GRID2: variants seen among roughly 807,000 people sequenced by gnomAD.
GRID2 encodes the protein glutamate ionotropic receptor delta type subunit 2, also known as glutamate receptor ionotropic, delta-2.
Under a neutral mutation model 114.8 loss-of-function variants are expected in GRID2, and 33 were observed. The ratio of observed to expected loss-of-function variants is 0.29; its 90% CI spans 0.22 to 0.38. The LOEUF is 0.38. GRID2 is among the 10% of genes least tolerant of loss of function. GRID2 has a pLI of 1.00. For missense variants in GRID2, 1,184 were observed against 1,257.7 expected (o/e 0.94, Z 0.89); for synonymous variants, 505 against 449.9 (o/e 1.12, Z -1.55).
At chr4:92,538,966 T>C (rs1725788757) in intron 1 of GRID2, among the ~76,000 whole-genome samples, 1 of 148,536 alleles carries the variant, frequency 6.7e-6, no homozygotes, top group South Asian at 2.1e-4. Flanking sequence ...GGCGTGAGCC[T>C]GGGAGGCGCA....
At chr4:92,477,594 A>G (rs979348849) in intron 1 of GRID2, among the ~76,000 whole-genome samples, 6 of 151,722 alleles carry the variant, frequency 4.0e-5, no homozygotes, top group Non-Finnish European at 5.9e-5. Flanking sequence ...CAACACATAA[A>G]TCTATTTTGG....
intron 11 of GRID2, among the ~76,000 whole-genome samples, chr4:93,474,803 A>G (rs1725167541): frequency 6.6e-6 from 1 of 152,114 alleles, no homozygotes; most frequent in Non-Finnish European, 1.5e-5. Context: ...TGGGTTAGGA[A>G]GCCCAATATT....
intron 1 of GRID2, among the ~76,000 whole-genome samples, chr4:92,426,645 C>A (rs1732170467): frequency 6.6e-6 from 1 of 152,080 alleles, no homozygotes; most frequent in Non-Finnish European, 1.5e-5. Context: ...TTTGGAAATA[C>A]AATCACAAAG....
intron 2 of GRID2, among the ~76,000 whole-genome samples, chr4:93,008,726 C>G (rs1721818244): frequency 1.3e-5 from 2 of 152,052 alleles, no homozygotes. Context: ...CTTTTGTGAT[C>G]TTTTGCATCG....
chr4:93,552,647 A>G (rs1235986624), intron 13 of GRID2, among the ~76,000 whole-genome samples: 1 of 151,990 alleles, frequency 6.6e-6, no homozygotes, highest in African/African-American at 2.4e-5. Flanking sequence ...TGAGCATTTA[A>G]TTATACTTTA....
intron 13 of GRID2, among the ~76,000 whole-genome samples, chr4:93,585,455 G>A (rs1737437658): frequency 6.6e-6 from 1 of 152,062 alleles, no homozygotes; most frequent in African/African-American, 2.4e-5. Flanking sequence ...GCATCAACAA[G>A]ATTAACTTTT....
intron 2 of GRID2, among the ~76,000 whole-genome samples, chr4:92,779,994 CA>C (rs140823104): frequency 0.25 from 38,703 of 151,960 alleles, 5,375 homozygotes; most frequent in Middle Eastern, 0.4. Flanking sequence ...GCATTTGCCT[CA>C]AGAAAGTTAA....
chr4:92,630,398 A>G (rs1222744947), intron 2 of GRID2, among the ~76,000 whole-genome samples: 1 of 152,148 alleles, frequency 6.6e-6, no homozygotes, highest in African/African-American at 2.4e-5. Context: ...TCCCACTGAA[A>G]TAACAAGTCT....
rs560306463 is a variant in GRID2 at position 92,993,941 on chromosome 4, A to G, written c.245-91054A>G. Among the ~76,000 whole-genome samples, 9 of 152,340 alleles carry G rather than the reference A, an allele frequency of 5.9e-5. No homozygotes were observed. In the South Asian group the frequency reaches 1.9e-3, roughly 32 times the overall value. Reference sequence around the variant, plus strand: ...CAGTAAAGATCTTTAAATTATAAACATTACTGAATAGAACTGATTTGTTTT... The same window carrying G: ...CAGTAAAGATCTTTAAATTATAAACGTTACTGAATAGAACTGATTTGTTTT... On this transcript the variant is annotated intron_variant, in intron 2 of 15. Coordinates refer to ENST00000282020, the MANE Select transcript of GRID2 (RefSeq NM_001510.4).
At chr4:92,576,540 C>T (rs552610872) in intron 1 of GRID2, among the ~76,000 whole-genome samples, 1 of 152,304 alleles carries the variant, frequency 6.6e-6, no homozygotes, top group African/African-American at 2.4e-5. Flanking sequence ...TAGGAAGGAC[C>T]TTCTGCCTTG....
At chr4:92,731,869 C>A (rs1736344502) in intron 2 of GRID2, among the ~76,000 whole-genome samples, 1 of 151,862 alleles carries the variant, frequency 6.6e-6, no homozygotes. Context: ...ATTTGACCAT[C>A]ACAATTTTAT....
intron 8 of GRID2, among the ~76,000 whole-genome samples, chr4:93,360,288 ATG>A (rs1453895191): frequency 6.6e-6 from 1 of 151,734 alleles, no homozygotes; most frequent in Non-Finnish European, 1.5e-5. Context: ...TTTTGCTTTT[ATG>A]TATTCCATTC....
At chr4:92,372,558 T>C (rs1729167005) in intron 1 of GRID2, among the ~76,000 whole-genome samples, 2 of 152,154 alleles carry the variant, frequency 1.3e-5, no homozygotes. Flanking sequence ...CTATTGTTCA[T>C]GCAATAGAAT....
At chr4:92,989,538 C>T (rs983408420) in intron 2 of GRID2, among the ~76,000 whole-genome samples, 2 of 151,346 alleles carry the variant, frequency 1.3e-5, no homozygotes, top group African/African-American at 2.4e-5. Context: ...AAAAAAGGTA[C>T]GATAGGTTTT....
intron 1 of GRID2, among the ~76,000 whole-genome samples, chr4:92,411,043 A>G (rs1283462364): frequency 1.3e-5 from 2 of 152,134 alleles, no homozygotes; most frequent in African/African-American, 4.8e-5. Context: ...GATTATAGCT[A>G]AGTGTTTATG....
At chr4:92,867,319 C>T (rs1221964672) in intron 2 of GRID2, among the ~76,000 whole-genome samples, 1 of 152,058 alleles carries the variant, frequency 6.6e-6, no homozygotes, top group African/African-American at 2.4e-5. Flanking sequence ...CTCCTTACTG[C>T]AATTAAGGAA....
chr4:92,585,200 G>T (rs1445344738), intron 1 of GRID2, among the ~76,000 whole-genome samples: 1 of 151,802 alleles, frequency 6.6e-6, no homozygotes, highest in African/African-American at 2.4e-5. Context: ...GAAAAAGTGA[G>T]GGGAAAAATT....
chr4:93,593,679 C>A (rs1228361413), intron 13 of GRID2, among the ~76,000 whole-genome samples: 1 of 151,998 alleles, frequency 6.6e-6, no homozygotes, highest in African/African-American at 2.4e-5. Flanking sequence ...CTCCCCATCA[C>A]TTTCAGGTAC....
intron 14 of GRID2, among the ~76,000 whole-genome samples, chr4:93,732,946 A>G (rs1187894860): frequency 3.9e-5 from 6 of 152,024 alleles, no homozygotes; most frequent in Non-Finnish European, 8.8e-5. Context: ...AAGAGAAACT[A>G]CAAATAATAA....
Sources: gnomAD v4.1 joint callset for allele counts (sites outside exome capture counted in the v4.1 genomes callset) on GRCh38, gnomAD v4.1.1 for gene constraint, MANE v1.5 for transcripts, NCBI Gene and HGNC (gene_info 2026-07-23, HGNC 2026-07-21) for gene names.